PRKCZ: variants seen among roughly 807,000 people sequenced by gnomAD.
PRKCZ encodes the protein protein kinase C zeta type.
In PRKCZ, 33 loss-of-function variants were observed where a neutral mutation model predicts 79.5. The observed-to-expected ratio is 0.41, with a 90% CI of 0.31 to 0.55. The LOEUF (loss-of-function observed/expected upper bound fraction) is 0.55. Ranked by LOEUF, PRKCZ falls within the 20% of genes least tolerant of loss-of-function variation. The probability of loss-of-function intolerance (pLI) is 0.19; values close to 1 mark genes in which losing one functional copy is unlikely to be tolerated. For synonymous variants in PRKCZ, 342 were observed against 320.9 expected (o/e 1.07, Z -0.70); for missense variants, 578 against 813.5 (o/e 0.71, Z 3.52).
At chr1:2,184,387 G>C (rs750643666) in intron 16 of PRKCZ, 196 bp from the exon 17 acceptor site, 5 of 543,834 alleles carry the variant, frequency 9.2e-6, no homozygotes, top group South Asian at 8.8e-5. Flanking sequence ...TTCTCAGCTC[G>C]ACAACAATTT....
At chr1:2,119,197 T>C (rs1239684055) in intron 4 of PRKCZ, among the ~76,000 whole-genome samples, 1 of 151,344 alleles carries the variant, frequency 6.6e-6, no homozygotes, top group African/African-American at 2.4e-5. Context: ...TATAACAGTT[T>C]AATTCTTATT....
At chr1:2,056,966 G>A (rs1250997245) in intron 3 of PRKCZ, among the ~76,000 whole-genome samples, 1 of 151,986 alleles carries the variant, frequency 6.6e-6, no homozygotes, top group Non-Finnish European at 1.5e-5. Context: ...CTGACCTCGT[G>A]ATCTGCCTGC....
intron 5 of PRKCZ, among the ~76,000 whole-genome samples, chr1:2,139,347 T>C (rs534946307): frequency 9.2e-5 from 14 of 152,218 alleles, no homozygotes; most frequent in Admixed American, 2.0e-4. Context: ...TCCAGCACTT[T>C]GGGAGGCCGA....
rs1679424158 is a variant in PRKCZ, at chr1:2,149,606, ATC to A, written c.687+683_687+684del. ...CTGAGCACGGCGACTCACACCTCCA[ATC>A]CCAGCATTTTGGGAGGCTGCGCACA... On this transcript the variant is annotated intron_variant, in intron 8 of 17. Coordinates refer to ENST00000378567, the MANE Select transcript of PRKCZ (RefSeq NM_002744.6). This position sits in a 1 kb window ranked among gnomAD's most constrained non-coding sequence, Gnocchi z 4.1. Among the ~76,000 whole-genome samples the A allele has an allele frequency of 6.6e-6, 1 of 152,132 alleles. No individual in the cohort carries two copies. The highest frequency in any genetic ancestry group is 6.5e-5 in the Admixed American group (1 of 15,278).
chr1:2,146,157 C>G, intron 7 of PRKCZ, 49 bp downstream of exon 7: 1 of 1,529,888 alleles, frequency 6.5e-7, no homozygotes, highest in Non-Finnish European at 9.1e-7. Flanking sequence ...ATCACCTCAC[C>G]CTGCTCACCT....
rs375283468 is a variant in PRKCZ at position 2,125,923 on chromosome 1, C to T, written c.335-9339C>T. On this transcript the variant is annotated intron_variant, in intron 4 of 17. Transcript: ENST00000378567. This position sits in a 1 kb window ranked among gnomAD's most constrained non-coding sequence, Gnocchi z 4.2. The stretch of plus-strand genomic sequence containing the variant: ...CCTTCCTTTCCATGGAGCACGGTTC[C>T]TGTCCCGGGGGTCCATATTGGCCAC... Among the ~76,000 whole-genome samples, 1 of 152,198 alleles carries T rather than the reference C, an allele frequency of 6.6e-6. No homozygotes were observed. The highest frequency in any genetic ancestry group is 6.5e-5 in the Admixed American group (1 of 15,292).
chr1:2,145,972 T>C, intron 6 of PRKCZ, 55 bp from the exon 7 acceptor site: 1 of 1,475,612 alleles, frequency 6.8e-7, no homozygotes, highest in Non-Finnish European at 9.5e-7. Context: ...GAAGCTACAT[T>C]GTAACACCTG....
At chr1:2,155,655 A>AATG (rs35331014) in intron 9 of PRKCZ, among the ~76,000 whole-genome samples, 59,317 of 148,178 alleles carry the variant, frequency 0.4, 11,882 homozygotes, top group African/African-American at 0.44. Flanking sequence ...TGACAGCAAC[A>AATG]ATGATGGTGG....
At chr1:2,130,251 C>G (rs1674703248) in intron 4 of PRKCZ, among the ~76,000 whole-genome samples, 1 of 152,164 alleles carries the variant, frequency 6.6e-6, no homozygotes, top group Non-Finnish European at 1.5e-5. Flanking sequence ...GTCCGTTATC[C>G]CTTATAACTC....
chr1:2,164,988 G>A (rs961056899), intron 10 of PRKCZ, among the ~76,000 whole-genome samples: 3 of 152,192 alleles, frequency 2.0e-5, no homozygotes, highest in Non-Finnish European at 4.4e-5. Flanking sequence ...TTCATGTTGA[G>A]GACACCCGTG....
At chr1:2,078,158 CA>C in intron 4 of PRKCZ, among the ~76,000 whole-genome samples, 1 of 152,396 alleles carries the variant, frequency 6.6e-6, no homozygotes, top group Non-Finnish European at 1.5e-5. Flanking sequence ...GAGCTGGGAA[CA>C]GTCCCCTCCT....
rs377755657 is a variant in PRKCZ at position 2,172,950 on chromosome 1, G to A, written c.1285+562G>A. Reference sequence around the variant, plus strand: ...GTGTGTGAAACGGGGATGTGGGCACGCGTGTGCAGCCGTGTGTGCGTGTGT... The same window carrying A: ...GTGTGTGAAACGGGGATGTGGGCACACGTGTGCAGCCGTGTGTGCGTGTGT... On this transcript the variant is annotated intron_variant, in intron 13 of 17. Coordinates refer to ENST00000378567, the MANE Select transcript of PRKCZ (RefSeq NM_002744.6). This position sits in a 1 kb window ranked among gnomAD's most constrained non-coding sequence, Gnocchi z 7.8. 5.9e-5 allele frequency among the ~76,000 whole-genome samples: 9 copies of A among 151,524 alleles called. No homozygotes were observed. Among genetic ancestry groups the A allele is most frequent in the African/African-American group, 1.2e-4 (5 of 41,012 alleles).
intron 4 of PRKCZ, among the ~76,000 whole-genome samples, chr1:2,112,696 T>TGG (rs1557591585): frequency 6.6e-4 from 100 of 151,596 alleles, no homozygotes; most frequent in Non-Finnish European, 1.2e-3. Flanking sequence ...GGTTGGTTTT[T>TGG]TTTTTTTTTG....
intron 4 of PRKCZ, among the ~76,000 whole-genome samples, chr1:2,099,014 C>T (rs983587258): frequency 2.6e-5 from 4 of 152,100 alleles, no homozygotes; most frequent in Middle Eastern, 3.4e-3. Flanking sequence ...TGGGCCTGAT[C>T]GCATGCACCG....
intron 4 of PRKCZ, among the ~76,000 whole-genome samples, chr1:2,096,156 C>T (rs962390359): frequency 4.6e-5 from 7 of 151,840 alleles, no homozygotes; most frequent in African/African-American, 1.4e-4. Context: ...AAGACTGGCC[C>T]GGGGCTGGTC....
At position 2,148,900 on chromosome 1, in the gene PRKCZ, T is replaced by C. The variant is rs778896870; in HGVS notation, c.663T>C (p.His221=). The C allele has an allele frequency of 1.1e-5, 18 of 1,613,824 alleles. No homozygotes were observed. The East Asian group carries it at 2.4e-4, about 22-fold the overall frequency. Residue 221 remains histidine (H), a synonymous_variant, in exon 8 of 18, where the codon CAT becomes CAC. Coordinates refer to ENST00000378567, the MANE Select transcript of PRKCZ (RefSeq NM_002744.6). The part of the protein sequence containing the change: ...GIAYISSSRK[H]DSIKDDSEDL... ...CTTACATTTCCTCATCCCGGAAGCA[T>C]GACAGCATTAAAGACGACTCGGAGG...
chr1:2,155,268 ACGG>A (rs1309966049), intron 9 of PRKCZ, among the ~76,000 whole-genome samples: 1 of 147,694 alleles, frequency 6.8e-6, no homozygotes, highest in Non-Finnish European at 1.5e-5. Context: ...ATTGAGGATG[ACGG>A]TGGTGGTGAT....
rs771971829 is a variant in PRKCZ, at chr1:2,055,508, A to T, written c.139A>T (p.Met47Leu). 1 of 1,613,360 alleles carries T rather than the reference A, an allele frequency of 6.2e-7. No individual in the cohort carries two copies. Among genetic ancestry groups the T allele is most frequent in the African/African-American group, 1.3e-5 (1 of 74,862 alleles). ...GGAGCTCTGTGAGGAAGTGAGAGAC[A>T]TGTGTCGTCTGCACCAGCAGCACCC... ...FEELCEEVRD[M>L]CRLHQQHPLT... The change falls in exon 2 of 18, where the codon ATG becomes TTG. Residue 47 changes from methionine to leucine, a missense_variant. Transcript: ENST00000378567.
chr1:2,144,120 T>A (rs1033764679), intron 5 of PRKCZ, 90 bp from the exon 6 acceptor site: 19 of 1,480,720 alleles, frequency 1.3e-5, no homozygotes, highest in Non-Finnish European at 1.5e-5. Flanking sequence ...GTGTCCTCTT[T>A]TGAGAAGGTA....
Sources: allele counts gnomAD v4.1 joint callset (sites outside exome capture counted in the v4.1 genomes callset), GRCh38; gene constraint gnomAD v4.1.1; non-coding constraint Gnocchi (gnomAD v3.1); transcripts MANE v1.5; gene names NCBI Gene and HGNC (gene_info 2026-07-23, HGNC 2026-07-21).